The following OR3A2 variants were observed in gnomAD, a reference collection of about 807,000 sequenced individuals.
OR3A2 encodes the protein olfactory receptor family 3 subfamily A member 2.
For missense variants in OR3A2, 318 were observed against 392.8 expected, an observed-to-expected ratio of 0.81 and a Z score of 1.61; for synonymous variants, 126 against 159.3, an observed-to-expected ratio of 0.79 and a Z score of 1.57.
At chr17:3,307,330 A>C (rs774206198) in intron 3 of OR3A2, among the ~76,000 whole-genome samples, 15 of 152,226 alleles carry the variant, frequency 9.9e-5, no homozygotes, top group Non-Finnish European at 2.2e-4. Flanking sequence ...TGAGCTCTGC[A>C]ACTTAGCCTC....
intron 1 of OR3A2, among the ~76,000 whole-genome samples, chr17:3,282,759 T>C (rs928502880): frequency 2.0e-5 from 3 of 152,214 alleles, no homozygotes; most frequent in Non-Finnish European, 4.4e-5. Flanking sequence ...GCTCTTTACA[T>C]ATGTTATATT....
At chr17:3,371,969 C>T (rs1481845420) in intron 2 of OR3A2, among the ~76,000 whole-genome samples, 6 of 148,348 alleles carry the variant, frequency 4.0e-5, no homozygotes, top group African/African-American at 7.5e-5. Context: ...CAGGCGGAGA[C>T]GCTCCTCACT....
At chr17:3,379,525 G>A (rs913343774) in intron 2 of OR3A2, among the ~76,000 whole-genome samples, 2 of 152,150 alleles carry the variant, frequency 1.3e-5, no homozygotes, top group African/African-American at 4.8e-5. Flanking sequence ...CAAATCTGCT[G>A]GCAATTCCAG....
chr17:3,361,643 C>T lies in OR3A2; in HGVS notation c.-179+22161G>A, dbSNP rs575170954. On this transcript the variant is annotated intron_variant, in intron 2 of 4. Coordinates refer to the OR3A2 transcript ENST00000573491. ...AGCATGAAAGGTTGTTGAATTTTGT[C>T]AAAGACCTTTTCTGCATCTATTGAG... Among the ~76,000 whole-genome samples, 28 of 151,776 alleles carry T rather than the reference C, an allele frequency of 1.8e-4. 1 individual carries two copies. The highest frequency in any genetic ancestry group is 6.8e-4 in the African/African-American group (28 of 41,124).
At chr17:3,312,782 T>C (rs1182045970) in intron 3 of OR3A2, among the ~76,000 whole-genome samples, 1 of 152,042 alleles carries the variant, frequency 6.6e-6, no homozygotes. Flanking sequence ...TGCCACCACG[T>C]CCGGCTAATT....
At chr17:3,337,538 C>A (rs1162459076) in intron 2 of OR3A2, among the ~76,000 whole-genome samples, 1 of 151,804 alleles carries the variant, frequency 6.6e-6, no homozygotes, top group Non-Finnish European at 1.5e-5. Flanking sequence ...GGTTTTCTGT[C>A]CTTGCGATAG....
chr17:3,356,427 G>A (rs1287405925), intron 2 of OR3A2, among the ~76,000 whole-genome samples: 1 of 151,440 alleles, frequency 6.6e-6, no homozygotes, highest in African/African-American at 2.4e-5. Flanking sequence ...TGATGTTGAT[G>A]AAATTTCTCA....
rs1237161157 is a variant in OR3A2, at chr17:3,315,829, G to A, written c.-85+20204C>T. Among the ~76,000 whole-genome samples the A allele has an allele frequency of 5.3e-5, 8 of 149,926 alleles. No individual in the cohort carries two copies. The South Asian group carries it at 8.5e-4, about 16-fold the overall frequency. ...TTCTCTCCAGCCTTCAGAGTGTCCCGTCATCCTCACCTTTAAGGAAACTAG... is the reference window on the plus strand; with the variant it reads ...TTCTCTCCAGCCTTCAGAGTGTCCCATCATCCTCACCTTTAAGGAAACTAG... On this transcript the variant is annotated intron_variant, in intron 3 of 4. Coordinates refer to the OR3A2 transcript ENST00000573491.
At chr17:3,336,620 C>T (rs902833572) in intron 2 of OR3A2, among the ~76,000 whole-genome samples, 1 of 152,120 alleles carries the variant, frequency 6.6e-6, no homozygotes, top group African/African-American at 2.4e-5. Context: ...TCATGCTCTA[C>T]AATAAATATT....
chr17:3,376,781 T>C (rs1020947229), intron 2 of OR3A2, among the ~76,000 whole-genome samples: 2 of 59,618 alleles, frequency 3.4e-5, no homozygotes, highest in Admixed American at 3.8e-4. Context: ...AGCTAGAAGC[T>C]TCCTTCACCC....
intron 2 of OR3A2, among the ~76,000 whole-genome samples, chr17:3,354,784 C>T (rs2049450919): frequency 6.6e-6 from 1 of 151,048 alleles, no homozygotes; most frequent in African/African-American, 2.4e-5. Flanking sequence ...TTATTACCTC[C>T]CTTCTTTTAC....
intron 3 of OR3A2, among the ~76,000 whole-genome samples, chr17:3,332,848 T>C (rs948509006): frequency 6.6e-6 from 1 of 152,232 alleles, no homozygotes; most frequent in African/African-American, 2.4e-5. Flanking sequence ...TTAACTCTGT[T>C]ATCTTTGTAA....
intron 2 of OR3A2, among the ~76,000 whole-genome samples, chr17:3,356,269 C>T (rs2049465217): frequency 6.6e-6 from 1 of 151,478 alleles, no homozygotes; most frequent in Non-Finnish European, 1.5e-5. Flanking sequence ...AGTTTACACA[C>T]CACAGTTATA....
intron 2 of OR3A2, among the ~76,000 whole-genome samples, chr17:3,348,882 T>C (rs1476158486): frequency 6.6e-6 from 1 of 152,130 alleles, no homozygotes; most frequent in African/African-American, 2.4e-5. Flanking sequence ...ATATTCAACA[T>C]TCTTAAGGAA....
At chr17:3,303,817 G>A (rs1487426289) in intron 3 of OR3A2, among the ~76,000 whole-genome samples, 1 of 150,636 alleles carries the variant, frequency 6.6e-6, no homozygotes, top group Non-Finnish European at 1.5e-5. Flanking sequence ...GCTTGAACCT[G>A]GGAGGCGGAG....
chr17:3,377,685 G>C (rs940835659), intron 2 of OR3A2: 8 of 152,218 alleles, frequency 5.3e-5, no homozygotes, highest in African/African-American at 1.9e-4. Context: ...CACTTCTCTG[G>C]GGAAAAGAAG....
chr17:3,322,266 CTTCT>C (rs879864918), intron 3 of OR3A2, among the ~76,000 whole-genome samples: 4 of 151,802 alleles, frequency 2.6e-5, no homozygotes, highest in African/African-American at 7.3e-5. Context: ...TCTCTCTTTT[CTTCT>C]TTATTAGTCT....
rs1435887608 is a variant in OR3A2 at position 3,348,192 on chromosome 17, G to C, written c.-178-12066C>G. On this transcript the variant is annotated intron_variant, in intron 2 of 4. Coordinates refer to the OR3A2 transcript ENST00000573491. ...TGTGAAAATTTTCTCCCATTTTGTA[G>C]GTTGCCTGTTCACTCTGATGGTAGT... Among the ~76,000 whole-genome samples the C allele has an allele frequency of 4.6e-5, 7 of 152,096 alleles. 1 individual carries two copies. The Middle Eastern group carries it at 0.01, about 222-fold the overall frequency.
chr17:3,364,496 C>T (rs1016720723), intron 2 of OR3A2, among the ~76,000 whole-genome samples: 1 of 152,162 alleles, frequency 6.6e-6, no homozygotes, highest in Admixed American at 6.5e-5. Context: ...CATCCCTGTC[C>T]ACGTCTCACC....
Sources: gnomAD v4.1 joint callset for allele counts (sites outside exome capture counted in the v4.1 genomes callset) on GRCh38, gnomAD v4.1.1 for gene constraint, MANE v1.5 for transcripts, NCBI Gene and HGNC (gene_info 2026-07-23, HGNC 2026-07-21) for gene names.